USH2A: variants seen among roughly 807,000 people sequenced by gnomAD.
USH2A encodes Usher syndrome 2A (autosomal recessive, mild).
A neutral mutation model predicts 538.9 loss-of-function variants in USH2A; 443 were observed. That is an observed-to-expected ratio of 0.82 (90% CI 0.76 to 0.89). The LOEUF (loss-of-function observed/expected upper bound fraction) is 0.89, where lower values mean the gene tolerates loss of function less well. Among genes scored for constraint, USH2A ranks in the 40% least tolerant of loss-of-function variants. USH2A has a pLI of 0.00. For synonymous variants in USH2A, 2,413 were observed against 2,273.5 expected (o/e 1.06, Z -1.75); for missense variants, 6,633 against 6,324.8 (o/e 1.05, Z -1.65).
At chr1:215,765,984 C>CA (rs1366381901) in intron 56 of USH2A, among the ~76,000 whole-genome samples, 1 of 152,128 alleles carries the variant, frequency 6.6e-6, no homozygotes, top group African/African-American at 2.4e-5. Flanking sequence ...CAGTTTCTGG[C>CA]ATAAATGATG....
At chr1:215,877,948 C>G in intron 42 of USH2A, 68 bp from the exon 43 acceptor site, 2 of 1,605,998 alleles carry the variant, frequency 1.2e-6, no homozygotes, top group South Asian at 2.2e-5. Flanking sequence ...AAAACTCAGG[C>G]TGTTCTGTGG....
At chr1:215,958,208 G>A (rs1321071221) in intron 37 of USH2A, among the ~76,000 whole-genome samples, 1 of 152,110 alleles carries the variant, frequency 6.6e-6, no homozygotes, top group Non-Finnish European at 1.5e-5. Context: ...GAACCAGAGT[G>A]TGTGAAAAGG....
Position 215,844,403 on chromosome 1 carries a change from A to G in USH2A, c.9149T>C (p.Val3050Ala). ...ATTTACATAGATAGAATACTCAGTG[A>G]CAACACCATTTGGGTTTGAAGGAGA... is the stretch of plus-strand genomic sequence containing the variant. Reference protein sequence around the residue: ...WTSPSNPNGVVTEYSIYVNNK... With the variant: ...WTSPSNPNGVATEYSIYVNNK... Residue 3050 changes from valine (V) to alanine (A), a missense_variant, in exon 46 of 72, where the codon GTC becomes GCC. Coordinates refer to ENST00000307340, the MANE Select transcript of USH2A (RefSeq NM_206933.4). The G allele has an allele frequency of 6.2e-7, 1 of 1,613,762 alleles. No individual in the cohort carries two copies. The highest frequency in any genetic ancestry group is 8.5e-7 in the Non-Finnish European group (1 of 1,179,888).
At chr1:215,832,815 A>G (rs752457470) in intron 47 of USH2A, among the ~76,000 whole-genome samples, 15 of 152,064 alleles carry the variant, frequency 9.9e-5, no homozygotes, top group Non-Finnish European at 1.6e-4. Context: ...TAGAAGATCT[A>G]TATAGACTAG....
intron 11 of USH2A, among the ~76,000 whole-genome samples, chr1:216,278,097 A>G (rs189735333): frequency 1.1e-3 from 166 of 152,264 alleles, no homozygotes; most frequent in Non-Finnish European, 1.9e-3. Flanking sequence ...AGTTCTTCCA[A>G]TATCCAGACA....
At chr1:215,934,467 A>T in intron 38 of USH2A, 149 bp downstream of exon 38, 1 of 854,020 alleles carries the variant, frequency 1.2e-6, no homozygotes, top group Non-Finnish European at 1.8e-6. Flanking sequence ...TAAACAAAGC[A>T]AAACAACAAC....
intron 4 of USH2A, among the ~76,000 whole-genome samples, chr1:216,356,861 G>C (rs557875265): frequency 6.6e-6 from 1 of 152,036 alleles, no homozygotes; most frequent in African/African-American, 2.4e-5. Flanking sequence ...AGTAGTTTTC[G>C]CATTTTTACT....
In USH2A at chr1:216,246,633, G is replaced by A. The variant is rs772211390; in HGVS notation, c.2761C>T (p.Leu921=). 8.1e-6 allele frequency: 13 copies of A among 1,614,068 alleles called. No homozygotes were observed. In the East Asian group the frequency reaches 2.5e-4, roughly 30 times the overall value. ...TICDPISGQC[L]CVPNRQGRRC... ...CTTCCTTGACGATTAGGCACACACA[G>A]GCACTGGCCACTGATTGGGTCACAA... Residue 921 remains leucine, a synonymous_variant, in exon 13 of 72, where the codon CTG becomes TTG. Transcript: ENST00000307340.
intron 30 of USH2A, among the ~76,000 whole-genome samples, chr1:216,065,610 A>G (rs1026705951): frequency 6.6e-5 from 10 of 152,330 alleles, no homozygotes; most frequent in Non-Finnish European, 1.3e-4. Context: ...AAAAATTAGC[A>G]ATGCAGCTGG....
At chr1:215,683,040 T>A (rs985203021) in intron 61 of USH2A, among the ~76,000 whole-genome samples, 1 of 151,900 alleles carries the variant, frequency 6.6e-6, no homozygotes, top group Non-Finnish European at 1.5e-5. Context: ...AACAAAATGT[T>A]TCTTTTCTTT....
At chr1:216,036,743 T>A (rs192828381) in intron 32 of USH2A, among the ~76,000 whole-genome samples, 1 of 152,196 alleles carries the variant, frequency 6.6e-6, no homozygotes, top group East Asian at 1.9e-4. Flanking sequence ...AGTTTGCAAA[T>A]TTTCCAATGG....
intron 60 of USH2A, among the ~76,000 whole-genome samples, chr1:215,739,067 A>G (rs1411209760): frequency 6.6e-6 from 1 of 152,214 alleles, no homozygotes; most frequent in Non-Finnish European, 1.5e-5. Context: ...GTAGGTGAAT[A>G]TAACGATTGT....
intron 51 of USH2A, 59 bp downstream of exon 51, chr1:215,790,000 C>T (rs1661934193): frequency 6.6e-7 from 1 of 1,510,960 alleles, no homozygotes. Context: ...TAGTTATGAA[C>T]AATGTATTTC....
chr1:215,888,894 G>T lies in USH2A; in HGVS notation c.7755C>A (p.Cys2585Ter). 1 of 1,614,096 alleles carries T rather than the reference G, an allele frequency of 6.2e-7. No individual in the cohort carries two copies. Among genetic ancestry groups the T allele is most frequent in the Non-Finnish European group, 8.5e-7 (1 of 1,179,994 alleles). The change falls in exon 41 of 72, where the codon TGC (cysteine) becomes TGA (stop). Residue 2585 changes from cysteine (C) to a stop codon, truncating the protein, a stop_gained. Coordinates refer to ENST00000307340, the MANE Select transcript of USH2A (RefSeq NM_206933.4). LOFTEE classifies it high-confidence loss of function. The part of the protein sequence containing the change: ...YLRTPGNVTN[C>*]TVMHLHPYTA... The stretch of plus-strand genomic sequence containing the variant: ...TGTATGGGTGTAAATGCATCACTGT[G>T]CAATTAGTGACATTTCCAGGAGTTC...
intron 32 of USH2A, among the ~76,000 whole-genome samples, chr1:216,028,747 T>C (rs1213414002): frequency 6.6e-6 from 1 of 152,086 alleles, no homozygotes; most frequent in Non-Finnish European, 1.5e-5. Flanking sequence ...GAATATATCA[T>C]TTTAAATAAT....
chr1:215,884,235 TA>T (rs1664991330), intron 41 of USH2A, among the ~76,000 whole-genome samples: 1 of 152,024 alleles, frequency 6.6e-6, no homozygotes, highest in South Asian at 2.1e-4. Flanking sequence ...TAAAGTAAAA[TA>T]AAAAATAAAA....
At chr1:216,019,556 C>T (rs79568172) in intron 32 of USH2A, among the ~76,000 whole-genome samples, 130 of 152,208 alleles carry the variant, frequency 8.5e-4, no homozygotes, top group South Asian at 6.0e-3. Flanking sequence ...ATCTATAAAA[C>T]GAGAAATCTG....
intron 58 of USH2A, among the ~76,000 whole-genome samples, chr1:215,757,182 C>T (rs998417632): frequency 1.3e-5 from 2 of 152,096 alleles, no homozygotes; most frequent in African/African-American, 4.8e-5. Flanking sequence ...TTATTTTAAA[C>T]AAAAGTGGGT....
rs766767254 is a variant in USH2A, at chr1:215,743,168, G to C, written c.11548+9C>G. 1.2e-5 allele frequency: 19 copies of C among 1,607,668 alleles called. No homozygotes were observed. Among genetic ancestry groups the C allele is most frequent in the Middle Eastern group, 3.3e-4 (2 of 6,054 alleles). ...AAAAGCCCAGGCCAAGTGTCTGAAA[G>C]ACTTTCACCATTTTGACATGCTTGT... is the stretch of plus-strand genomic sequence containing the variant. On this transcript the variant is annotated intron_variant, in intron 59 of 71. Transcript: ENST00000307340.
Sources: gnomAD v4.1 joint callset for allele counts (sites outside exome capture counted in the v4.1 genomes callset) on GRCh38, gnomAD v4.1.1 for gene constraint, MANE v1.5 for transcripts, NCBI Gene and HGNC (gene_info 2026-07-23, HGNC 2026-07-21) for gene names.